The following OR10H5 variants were observed in gnomAD, a reference collection of about 807,000 sequenced individuals.
OR10H5 encodes the protein olfactory receptor family 10 subfamily H member 5, also known as olfactory receptor 10H5.
OR10H5 carries 7 observed loss-of-function variants against 12.2 expected under a neutral mutation model. That is an observed-to-expected ratio of 0.57 (90% CI 0.33 to 1.07). The LOEUF is 1.07. OR10H5 is among the 50% of genes least tolerant of loss of function. The pLI, the probability that OR10H5 is intolerant of heterozygous loss-of-function variation, is 0.04. For synonymous variants in OR10H5, 159 were observed against 175.1 expected (o/e 0.91, Z 0.73); for missense variants, 346 against 411.6 (o/e 0.84, Z 1.38).
rs1284039716 is a variant in OR10H5, at chr19:15,797,956, A to G, written c.*2960A>G. On this transcript the variant is annotated 3_prime_UTR_variant, in exon 2 of 2. Transcript: ENST00000642092. ...GCTACTCGAGAGGCTGAGGCAGGAT[A>G]ATTGCTTTAACCGGGGAGACAGATG... 2.0e-5 allele frequency: 3 copies of G among 148,338 alleles called. No homozygotes were observed. The Admixed American group carries it at 2.1e-4, about 11-fold the overall frequency. The allele number at this position is 148,338 out of a possible 1,614,324, so 9.2% of individuals were successfully genotyped here.
Position 15,795,063 on chromosome 19 carries a change from T to C in OR10H5, c.*67T>C, listed in dbSNP as rs537740910. 1.5e-4 allele frequency: 210 copies of C among 1,385,100 alleles called. No individual in the cohort carries two copies. Among genetic ancestry groups the C allele is most frequent in the Non-Finnish European group, 2.0e-4 (206 of 1,011,632 alleles). The allele number at this position is 1,385,100 out of a possible 1,614,324, so 85.8% of individuals were successfully genotyped here. ...CTTTAGTCTTCCTCCTTTATTTCTT[T>C]TCCTTTCCTCCCTCCCTCCTTTCCT... On this transcript the variant is annotated 3_prime_UTR_variant, in exon 2 of 2. Coordinates refer to ENST00000642092, the MANE Select transcript of OR10H5 (RefSeq NM_001004466.2).
At chr19:15,789,044 A>G (rs2088797213) in intron 1 of OR10H5, among the ~76,000 whole-genome samples, 2 of 152,046 alleles carry the variant, frequency 1.3e-5, no homozygotes, top group Non-Finnish European at 2.9e-5. Flanking sequence ...CCCTACCCCA[A>G]CAGGCCCCAG....
chr19:15,794,414 C>G lies in OR10H5; in HGVS notation c.366C>G (p.Arg122=). The part of the protein sequence containing the change: ...SFLLTVMGYD[R]YVAICHPLRY... Reference sequence around the variant, plus strand: ...TGCTCACTGTCATGGGCTACGACCGCTACGTGGCCATCTGCCACCCCCTGC... The same window carrying G: ...TGCTCACTGTCATGGGCTACGACCGGTACGTGGCCATCTGCCACCCCCTGC... Residue 122 remains arginine, a synonymous_variant, in exon 2 of 2, where the codon CGC becomes CGG. Transcript: ENST00000642092. The G allele has an allele frequency of 1.2e-6, 2 of 1,614,248 alleles. No homozygotes were observed. Among genetic ancestry groups the G allele is most frequent in the African/African-American group, 1.3e-5 (1 of 75,072 alleles).
chr19:15,791,441 TACACACAC>T (rs35542150), intron 1 of OR10H5, among the ~76,000 whole-genome samples: 21,690 of 147,468 alleles, frequency 0.15, 1,556 homozygotes, highest in South Asian at 0.17. Context: ...ATAGATACCA[TACACACAC>T]ACACACACAC....
At chr19:15,790,006 C>T (rs925172531) in intron 1 of OR10H5, among the ~76,000 whole-genome samples, 1 of 152,110 alleles carries the variant, frequency 6.6e-6, no homozygotes, top group African/African-American at 2.4e-5. Context: ...AGGCTGGTCT[C>T]AAACTCCTGG....
Position 15,796,087 on chromosome 19 carries a change from G to A in OR10H5, c.*1091G>A, listed in dbSNP as rs960430294. The A allele has an allele frequency of 1.3e-5, 2 of 152,216 alleles. No homozygotes were observed. The highest frequency in any genetic ancestry group is 4.8e-5 in the African/African-American group (2 of 41,460). The allele number at this position is 152,216 out of a possible 1,614,324, so 9.4% of individuals were successfully genotyped here. On this transcript the variant is annotated 3_prime_UTR_variant, in exon 2 of 2. Coordinates refer to ENST00000642092, the MANE Select transcript of OR10H5 (RefSeq NM_001004466.2). The stretch of plus-strand genomic sequence containing the variant: ...GACACCGGCCAAGTTCTATTCTGAA[G>A]ATGAGGAAGCTAAGTTATGAAGAGA...
At chr19:15,793,635 C>T (rs1045553579) in intron 1 of OR10H5, among the ~76,000 whole-genome samples, 1 of 152,074 alleles carries the variant, frequency 6.6e-6, no homozygotes, top group African/African-American at 2.4e-5. Flanking sequence ...AATCCCAACA[C>T]TTTGGAAGGC....
At chr19:15,793,423 T>C (rs2088818022) in intron 1 of OR10H5, among the ~76,000 whole-genome samples, 1 of 151,600 alleles carries the variant, frequency 6.6e-6, no homozygotes, top group Admixed American at 6.6e-5. Flanking sequence ...GCCTGGCTAA[T>C]TTTTTTTTAA....
chr19:15,799,937 C>T lies in OR10H5; in HGVS notation c.*4941C>T, dbSNP rs1435151174. On this transcript the variant is annotated 3_prime_UTR_variant, in exon 2 of 2. Transcript: ENST00000642092. ...CAGGATGGTTTCAAACTCCTGGCCT[C>T]AAGTGACCTGCCCACCTTGGCCTCC... is the stretch of plus-strand genomic sequence containing the variant. 1 of 152,130 alleles carries T rather than the reference C, an allele frequency of 6.6e-6. No individual in the cohort carries two copies. The highest frequency in any genetic ancestry group is 1.5e-5 in the Non-Finnish European group (1 of 68,074). The allele number at this position is 152,130 out of a possible 1,614,324, so 9.4% of individuals were successfully genotyped here.
chr19:15,793,030 C>T lies in OR10H5; in HGVS notation c.-11-1008C>T, dbSNP rs558124030. On this transcript the variant is annotated intron_variant, in intron 1 of 1. Coordinates refer to ENST00000642092, the MANE Select transcript of OR10H5 (RefSeq NM_001004466.2). The stretch of plus-strand genomic sequence containing the variant: ...ATAATTATTATTTTTATCAGTATTA[C>T]TATTTGTGAGGTTCTTACTACGGGC... Among the ~76,000 whole-genome samples the T allele has an allele frequency of 5.9e-5, 9 of 152,070 alleles. No individual in the cohort carries two copies. In the South Asian group the frequency reaches 1.9e-3, roughly 32 times the overall value.
rs1568449652 is a variant in OR10H5 at position 15,794,691 on chromosome 19, A to C, written c.643A>C (p.Ile215Leu). The C allele has an allele frequency of 6.2e-7, 1 of 1,613,818 alleles. No individual in the cohort carries two copies. Among genetic ancestry groups the C allele is most frequent in the African/African-American group, 1.3e-5 (1 of 74,940 alleles). Residue 215 changes from isoleucine to leucine, a missense_variant, in exon 2 of 2, where the codon ATC becomes CTC. By Grantham distance (5) the Ile-to-Leu change is conservative. Transcript: ENST00000642092. ...GGCCCTGCTGGGCTGTTTTCTCCTC[A>C]TCCTCCTCTCCTATGCCTTCATCGT... ...ITALLGCFLL[I>L]LLSYAFIVAA...
In OR10H5 at chr19:15,797,550, A is replaced by G. The variant is rs2088846283; in HGVS notation, c.*2554A>G. On this transcript the variant is annotated 3_prime_UTR_variant, in exon 2 of 2. Coordinates refer to ENST00000642092, the MANE Select transcript of OR10H5 (RefSeq NM_001004466.2). ...AAATAAGCTTTGTGATTACTCCTTC[A>G]CTTTATTTAGTAGTAGTCATTGTGT... 6.6e-6 allele frequency: 1 copy of G among 152,110 alleles called. No individual in the cohort carries two copies. The highest frequency in any genetic ancestry group is 1.5e-5 in the Non-Finnish European group (1 of 68,016). The allele number at this position is 152,110 out of a possible 1,614,324, so 9.4% of individuals were successfully genotyped here.
At position 15,797,309 on chromosome 19, in the gene OR10H5, G is replaced by T. The variant is rs1053473564; in HGVS notation, c.*2313G>T. ...CTGTTTATACCCCACGTGTCCTGGG[G>T]TGTAGCTAGTGCTTTCTAGCTGATC... On this transcript the variant is annotated 3_prime_UTR_variant, in exon 2 of 2. Transcript: ENST00000642092. The T allele has an allele frequency of 6.6e-6, 1 of 152,176 alleles. No homozygotes were observed. The highest frequency in any genetic ancestry group is 2.4e-5 in the African/African-American group (1 of 41,424). 9.4% of individuals were successfully genotyped at this position (152,176 alleles called of 1,614,324 possible). A position where few individuals can be genotyped will look rare whatever the true frequency, so the allele number is the denominator to read the frequency against.
rs4808379 is a variant in OR10H5, at chr19:15,794,192, T to C, written c.144T>C (p.Thr48=). The change falls in exon 2 of 2, where the codon ACT becomes ACC. Residue 48 remains threonine, a synonymous_variant. Transcript: ENST00000642092. ...TLLGNLLIMA[T]VWSERSLHMP... ...TGGGCAACCTGCTCATCATGGCCACTGTCTGGAGCGAGCGCAGCCTCCACA... is the reference window on the plus strand; with the variant it reads ...TGGGCAACCTGCTCATCATGGCCACCGTCTGGAGCGAGCGCAGCCTCCACA... The C allele has an allele frequency of 0.37, 590,836 of 1,613,660 alleles. 114,562 individuals are homozygous for C. The highest frequency in any genetic ancestry group is 0.78 in the East Asian group (35,096 of 44,844).
Position 15,799,874 on chromosome 19 carries a change from T to G in OR10H5, c.*4878T>G, listed in dbSNP as rs894536336. The G allele has an allele frequency of 6.6e-6, 1 of 152,052 alleles. No individual in the cohort carries two copies. The allele number at this position is 152,052 out of a possible 1,614,324, so 9.4% of individuals were successfully genotyped here. ...GCCACCATGCCTGGCTAAATTTTTT[T>G]TGTGTTTTTAGTACAGACAGGGTTT... On this transcript the variant is annotated 3_prime_UTR_variant, in exon 2 of 2. Coordinates refer to ENST00000642092, the MANE Select transcript of OR10H5 (RefSeq NM_001004466.2).
Position 15,798,706 on chromosome 19 carries a change from C to T in OR10H5, c.*3710C>T, listed in dbSNP as rs17641311. 36,829 of 150,362 alleles carry T rather than the reference C, an allele frequency of 0.24. 5,248 individuals are homozygous for T. Among genetic ancestry groups the T allele is most frequent in the Middle Eastern group, 0.36 (103 of 288 alleles). 9.3% of individuals were successfully genotyped at this position (150,362 alleles called of 1,614,324 possible). ...CATGGAGGTTGTCCCTCTTGTTTCA[C>T]CCCCAAAATCCTCCAGTTTCTGTCT... On this transcript the variant is annotated 3_prime_UTR_variant, in exon 2 of 2. Coordinates refer to ENST00000642092, the MANE Select transcript of OR10H5 (RefSeq NM_001004466.2).
At position 15,794,212 on chromosome 19, in the gene OR10H5, T is replaced by C; in HGVS notation, c.164T>C (p.Leu55Pro). 1 of 1,614,114 alleles carries C rather than the reference T, an allele frequency of 6.2e-7. No homozygotes were observed. The change falls in exon 2 of 2, where the codon CTC becomes CCC. Residue 55 changes from leucine to proline, a missense_variant. Leu to Pro is a moderately conservative substitution (Grantham distance 98, BLOSUM62 -3). Coordinates refer to ENST00000642092, the MANE Select transcript of OR10H5 (RefSeq NM_001004466.2). ...GCCACTGTCTGGAGCGAGCGCAGCC[T>C]CCACATGCCCATGTACCTCTTCCTG... Reference protein sequence around the residue: ...IMATVWSERSLHMPMYLFLCA... With the variant: ...IMATVWSERSPHMPMYLFLCA...
chr19:15,788,044 G>A (rs890230370), intron 1 of OR10H5, among the ~76,000 whole-genome samples: 3 of 152,138 alleles, frequency 2.0e-5, no homozygotes, highest in African/African-American at 4.8e-5. Flanking sequence ...AGTTGTGGAG[G>A]AGGGTGGTTC....
intron 1 of OR10H5, among the ~76,000 whole-genome samples, chr19:15,791,652 A>G (rs2088809641): frequency 6.6e-6 from 1 of 150,740 alleles, no homozygotes; most frequent in African/African-American, 2.4e-5. Context: ...CAGCTGTTCC[A>G]TTTTGTTCAA....
Sources: allele counts gnomAD v4.1 joint callset (sites outside exome capture counted in the v4.1 genomes callset), GRCh38; gene constraint gnomAD v4.1.1; transcripts MANE v1.5; gene names NCBI Gene and HGNC (gene_info 2026-07-23, HGNC 2026-07-21).